GRAMD4: variants seen among roughly 807,000 people sequenced by gnomAD.
GRAMD4 encodes GRAM domain containing 4, also known as GRAM domain-containing protein 4.
A neutral mutation model predicts 83.9 loss-of-function variants in GRAMD4; 25 were observed. The observed-to-expected ratio is 0.30, with a 90% CI of 0.22 to 0.42. GRAMD4 has a LOEUF of 0.42. Ranked by LOEUF, GRAMD4 falls within the 10% of genes least tolerant of loss-of-function variation. GRAMD4 has a pLI of 1.00. For missense variants in GRAMD4, 593 were observed against 788.7 expected, an observed-to-expected ratio of 0.75 and a Z score of 2.97; for synonymous variants, 336 against 320.9, an observed-to-expected ratio of 1.05 and a Z score of -0.50.
chr22:46,609,753 A>G (rs926855332), intron 1 of GRAMD4, among the ~76,000 whole-genome samples: 26 of 152,208 alleles, frequency 1.7e-4, no homozygotes, highest in Admixed American at 1.6e-3. Flanking sequence ...AGAGCATCCC[A>G]CCGGGGAGGG....
chr22:46,625,769 C>G (rs1185194505), intron 1 of GRAMD4, among the ~76,000 whole-genome samples: 1 of 152,246 alleles, frequency 6.6e-6, no homozygotes, highest in Non-Finnish European at 1.5e-5. Context: ...CTGTGGGCCA[C>G]TGATCCTGGC....
intron 1 of GRAMD4, among the ~76,000 whole-genome samples, chr22:46,582,903 C>T (rs572714074): frequency 7.2e-5 from 11 of 152,334 alleles, no homozygotes; most frequent in Non-Finnish European, 1.2e-4. Flanking sequence ...CCCTTCCTCC[C>T]TGCCTGTGGT....
intron 2 of GRAMD4, among the ~76,000 whole-genome samples, chr22:46,628,542 A>G (rs5767310): frequency 2.0e-3 from 60 of 29,700 alleles, no homozygotes; most frequent in East Asian, 0.012. Context: ...TCTGAGGGGC[A>G]GGTGGACTGA....
At chr22:46,599,946 C>T (rs1458016290) in intron 1 of GRAMD4, among the ~76,000 whole-genome samples, 2 of 151,846 alleles carry the variant, frequency 1.3e-5, no homozygotes, top group South Asian at 2.1e-4. Flanking sequence ...TCACCACCGG[C>T]GGCACCTTCT....
chr22:46,622,773 G>GCA lies in GRAMD4; in HGVS notation c.-50+2208_-50+2209insCA, dbSNP rs2081594764. ...CTAAAAATACAAAAAATTAGCTGGT[G>GCA]TGGTGGCGGGTGCCTGTAGTCCCAG... On this transcript the variant is annotated intron_variant, in intron 1 of 18. Coordinates refer to ENST00000406902, the MANE Select transcript of GRAMD4 (RefSeq NM_015124.5). This position sits in a 1 kb window ranked among gnomAD's most constrained non-coding sequence, Gnocchi z 4.0. Among the ~76,000 whole-genome samples the GCA allele has an allele frequency of 6.6e-6, 1 of 152,070 alleles. No homozygotes were observed.
chr22:46,579,726 C>G (rs944974418), intron 1 of GRAMD4, among the ~76,000 whole-genome samples: 2 of 152,176 alleles, frequency 1.3e-5, no homozygotes, highest in African/African-American at 4.8e-5. Flanking sequence ...GGGTATTTCT[C>G]TCCGGTAGCC....
intron 1 of GRAMD4, among the ~76,000 whole-genome samples, chr22:46,609,703 C>G (rs987920690): frequency 1.3e-5 from 2 of 152,198 alleles, no homozygotes; most frequent in African/African-American, 2.4e-5. Flanking sequence ...TTGTGGAGTG[C>G]GAGTGCTTTG....
intron 3 of GRAMD4, among the ~76,000 whole-genome samples, chr22:46,647,819 T>A (rs1383450374): frequency 4.6e-5 from 7 of 152,250 alleles, no homozygotes; most frequent in African/African-American, 1.2e-4. Context: ...CCTCTGCACC[T>A]CATCTGTAGA....
chr22:46,590,783 G>C (rs772139787), intron 1 of GRAMD4, among the ~76,000 whole-genome samples: 1 of 152,212 alleles, frequency 6.6e-6, no homozygotes, highest in African/African-American at 2.4e-5. Flanking sequence ...GCCAGAGGCC[G>C]GGCACACTGG....
At chr22:46,635,199 G>A (rs12330098) in intron 2 of GRAMD4, among the ~76,000 whole-genome samples, 3,460 of 36,828 alleles carry the variant, frequency 0.094, 72 homozygotes, top group Admixed American at 0.13. Flanking sequence ...CCCTGCCCCC[G>A]CCCCCGGCCA....
rs752709124 is a variant in GRAMD4 at position 46,626,889 on chromosome 22, C to G, written c.90C>G (p.Thr30=). ...CGGAGTCTCCAAATGCCTCGGACAC[C>G]GAATGCAGCGACGAAATCCCCCTGA... is the stretch of plus-strand genomic sequence containing the variant. ...DLAESPNASD[T]ECSDEIPLKV... is the part of the protein sequence containing the mutation. The change falls in exon 2 of 19, where the codon ACC becomes ACG. Residue 30 remains threonine (T), a synonymous_variant. Transcript: ENST00000406902. 1.2e-6 allele frequency: 2 copies of G among 1,614,006 alleles called. No homozygotes were observed. The highest frequency in any genetic ancestry group is 8.5e-7 in the Non-Finnish European group (1 of 1,179,982).
Position 46,665,611 on chromosome 22 carries a change from G to T in GRAMD4, c.718-4G>T, listed in dbSNP as rs772733848. ...AGGTCTGACGCCCTGTCTCTCACCCGCAGGTGTACATGAATGCCGTGTGGC... is the reference window on the plus strand; with the variant it reads ...AGGTCTGACGCCCTGTCTCTCACCCTCAGGTGTACATGAATGCCGTGTGGC... On this transcript the variant is annotated splice_region_variant and splice_polypyrimidine_tract_variant and intron_variant, in intron 8 of 18. Coordinates refer to ENST00000406902, the MANE Select transcript of GRAMD4 (RefSeq NM_015124.5). 1 of 1,534,606 alleles carries T rather than the reference G, an allele frequency of 6.5e-7. No individual in the cohort carries two copies. Among genetic ancestry groups the T allele is most frequent in the Admixed American group, 1.7e-5 (1 of 59,814 alleles).
chr22:46,620,394 C>A lies in GRAMD4; in HGVS notation c.-221C>A. ...TGCTGCCCTGCTCTGGTGCACAGGA[C>A]TGGAGTCCTCCAGGCTCCAGGGCAG... is the stretch of plus-strand genomic sequence containing the variant. On this transcript the variant is annotated 5_prime_UTR_variant, in exon 1 of 19. It adds an upstream start codon to the 5' untranslated region. Transcript: ENST00000406902. The surrounding 1 kb of genome is among the most constrained non-coding windows in gnomAD (Gnocchi z 4.7). 1 of 985,372 alleles carries A rather than the reference C, an allele frequency of 1.0e-6. No homozygotes were observed. The highest frequency in any genetic ancestry group is 1.2e-6 in the Non-Finnish European group (1 of 829,934). 61.0% of individuals were successfully genotyped at this position (985,372 alleles called of 1,614,324 possible).
chr22:46,634,137 G>A (rs2081821718), intron 2 of GRAMD4, among the ~76,000 whole-genome samples: 1 of 152,202 alleles, frequency 6.6e-6, no homozygotes, highest in Non-Finnish European at 1.5e-5. Flanking sequence ...CCTCTTGAAG[G>A]TGGGCCCTGC....
In GRAMD4 at chr22:46,626,943, C is replaced by T. The variant is rs1282746699; in HGVS notation, c.144C>T (p.Ser48=). 12 of 1,613,436 alleles carry T rather than the reference C, an allele frequency of 7.4e-6. No homozygotes were observed. The highest frequency in any genetic ancestry group is 1.3e-5 in the African/African-American group (1 of 74,920). Residue 48 remains serine (S), a synonymous_variant, in exon 2 of 19, where the codon AGC becomes AGT. Transcript: ENST00000406902. ...LKVPRTSPRD[S]EELRDPAGPG... is the part of the protein sequence containing the mutation. ...TACCGCGGACCTCGCCCCGGGACAGCGAGGAGCTGAGGGACCCTGTGAGTA... is the reference window on the plus strand; with the variant it reads ...TACCGCGGACCTCGCCCCGGGACAGTGAGGAGCTGAGGGACCCTGTGAGTA...
intron 2 of GRAMD4, among the ~76,000 whole-genome samples, chr22:46,628,396 C>T (rs200129964): frequency 6.6e-6 from 1 of 151,824 alleles, no homozygotes; most frequent in African/African-American, 2.4e-5. Flanking sequence ...CCTGCCCATG[C>T]TGGTCAGAGA....
chr22:46,579,295 G>A (rs772776631), intron 1 of GRAMD4, among the ~76,000 whole-genome samples: 1 of 152,186 alleles, frequency 6.6e-6, no homozygotes, highest in Non-Finnish European at 1.5e-5. Flanking sequence ...CGGCGCCGGC[G>A]TTAGGTGATC....
At chr22:46,582,613 C>G (rs1465087519) in intron 1 of GRAMD4, among the ~76,000 whole-genome samples, 2 of 152,162 alleles carry the variant, frequency 1.3e-5, no homozygotes, top group African/African-American at 4.8e-5. Flanking sequence ...TCCTGGGACC[C>G]TGGCTCGGGT....
rs906374761 is a variant in GRAMD4 at position 46,677,923 on chromosome 22, G to A, written c.*672G>A. 2.0e-6 allele frequency: 2 copies of A among 985,060 alleles called. No individual in the cohort carries two copies. Among genetic ancestry groups the A allele is most frequent in the African/African-American group, 3.5e-5 (2 of 57,246 alleles). 61.0% of individuals were successfully genotyped at this position (985,060 alleles called of 1,614,324 possible). ...CCCCTCGCCTGCCCTCAGTGTCTTT[G>A]GTGGCACCTTCCTTGCTGGCCTCCA... On this transcript the variant is annotated 3_prime_UTR_variant, in exon 19 of 19. Transcript: ENST00000406902.
Sources: gnomAD v4.1 joint callset for allele counts (sites outside exome capture counted in the v4.1 genomes callset) on GRCh38, gnomAD v4.1.1 for gene constraint, Gnocchi (gnomAD v3.1) non-coding constraint, MANE v1.5 for transcripts, NCBI Gene and HGNC (gene_info 2026-07-23, HGNC 2026-07-21) for gene names.